ACTR3C: variants seen among roughly 807,000 people sequenced by gnomAD.
ACTR3C encodes actin-related protein 3C.
ACTR3C carries 18 observed loss-of-function variants against 26.3 expected under a neutral mutation model. The observed-to-expected ratio is 0.68, with a 90% CI of 0.47 to 1.01. ACTR3C has a LOEUF of 1.01. ACTR3C is among the 50% of genes least tolerant of loss of function. ACTR3C has a pLI of 0.00. For missense variants in ACTR3C, 184 were observed against 250.7 expected, an observed-to-expected ratio of 0.73 and a Z score of 1.80; for synonymous variants, 55 against 94.5, an observed-to-expected ratio of 0.58 and a Z score of 2.42.
intron 1 of ACTR3C, among the ~76,000 whole-genome samples, chr7:150,298,923 T>C (rs949318668): frequency 2.0e-5 from 3 of 151,904 alleles, no homozygotes. Flanking sequence ...GGTGTCTCCA[T>C]TCCGTATACA....
intron 1 of ACTR3C, among the ~76,000 whole-genome samples, chr7:150,317,926 C>T (rs940983875): frequency 6.6e-6 from 1 of 150,926 alleles, no homozygotes; most frequent in Non-Finnish European, 1.5e-5. Context: ...GGAAAGTAAA[C>T]CAAAAGGAAC....
At chr7:150,292,934 C>T (rs558941005) in intron 3 of ACTR3C, among the ~76,000 whole-genome samples, 1 of 152,390 alleles carries the variant, frequency 6.6e-6, no homozygotes, top group Non-Finnish European at 1.5e-5. Flanking sequence ...AAAACGGTGT[C>T]TATCTCCCAA....
the ACTR3C span, among the ~76,000 whole-genome samples, chr7:150,084,250 A>T: frequency 6.0e-5 from 9 of 150,484 alleles, no homozygotes; most frequent in Non-Finnish European, 1.2e-4. Flanking sequence ...AAAAAAAAAA[A>T]TAAACCTACT....
intron 4 of ACTR3C, among the ~76,000 whole-genome samples, chr7:150,289,186 C>T (rs1268509807): frequency 6.6e-6 from 1 of 152,076 alleles, no homozygotes; most frequent in East Asian, 1.9e-4. Context: ...GAGGCTCCAG[C>T]TGAACAATGC....
the ACTR3C span, among the ~76,000 whole-genome samples, chr7:150,048,488 C>A: frequency 6.6e-6 from 1 of 151,972 alleles, no homozygotes; most frequent in Admixed American, 6.5e-5. Context: ...GGTGCGGGGG[C>A]GGTGGGGGAG....
the ACTR3C span, among the ~76,000 whole-genome samples, chr7:149,972,415 G>C: frequency 6.6e-6 from 1 of 152,190 alleles, no homozygotes; most frequent in African/African-American, 2.4e-5. Context: ...CTAACTCCCT[G>C]TCCACGTTCC....
At chr7:150,039,297 G>T in the ACTR3C span, among the ~76,000 whole-genome samples, 60 of 150,820 alleles carry the variant, frequency 4.0e-4, 1 homozygote, top group African/African-American at 1.3e-3. Flanking sequence ...CCTGCGATGG[G>T]GGTACCAACA....
the ACTR3C span, among the ~76,000 whole-genome samples, chr7:150,103,503 A>G: frequency 2.0e-5 from 3 of 151,840 alleles, no homozygotes; most frequent in South Asian, 2.1e-4. Flanking sequence ...TTTCCCTCCA[A>G]TTTAACCTTG....
chr7:149,895,562 T>A, the ACTR3C span, among the ~76,000 whole-genome samples: 1 of 152,184 alleles, frequency 6.6e-6, no homozygotes, highest in East Asian at 1.9e-4. Context: ...CTGTGGTGGC[T>A]CATGGCTCAT....
the ACTR3C span, among the ~76,000 whole-genome samples, chr7:150,179,322 C>G: frequency 7.0e-6 from 1 of 142,904 alleles, no homozygotes; most frequent in African/African-American, 2.9e-5. Context: ...TAATATATTT[C>G]TCCTTCAACT....
chr7:150,082,861 C>A, the ACTR3C span, among the ~76,000 whole-genome samples: 1 of 151,390 alleles, frequency 6.6e-6, no homozygotes, highest in Admixed American at 6.6e-5. Flanking sequence ...CAAATGGAAG[C>A]ACAGGATCAC....
At chr7:150,176,532 T>A in the ACTR3C span, among the ~76,000 whole-genome samples, 2 of 151,030 alleles carry the variant, frequency 1.3e-5, no homozygotes. Flanking sequence ...GTTTTCAATA[T>A]TCTTTTGTTC....
At chr7:150,062,124 C>T in the ACTR3C span, 1 of 2,262 alleles carries the variant, frequency 4.4e-4, no homozygotes, top group African/African-American at 2.5e-3. Flanking sequence ...GAGAGGTGAT[C>T]GGATGGAAGA....
chr7:150,066,800 C>T, the ACTR3C span, among the ~76,000 whole-genome samples: 2 of 152,312 alleles, frequency 1.3e-5, no homozygotes, highest in African/African-American at 4.8e-5. Flanking sequence ...AGTCTAGAAA[C>T]CATGTGATAC....
chr7:150,082,325 C>A, the ACTR3C span, among the ~76,000 whole-genome samples: 2 of 152,136 alleles, frequency 1.3e-5, no homozygotes, highest in African/African-American at 4.8e-5. Flanking sequence ...TGCCTTTCTC[C>A]TGCTTTTTAC....
chr7:150,320,502 C>T (rs1351055525), intron 1 of ACTR3C, among the ~76,000 whole-genome samples: 1 of 152,104 alleles, frequency 6.6e-6, no homozygotes, highest in Non-Finnish European at 1.5e-5. Context: ...ATGGCTCAAG[C>T]CTGTAATCCC....
chr7:149,954,319 G>A, the ACTR3C span, among the ~76,000 whole-genome samples: 1 of 152,136 alleles, frequency 6.6e-6, no homozygotes, highest in Non-Finnish European at 1.5e-5. Flanking sequence ...ATATATTGAT[G>A]AAAACTGTAT....
At chr7:150,223,660 C>G in the ACTR3C span, among the ~76,000 whole-genome samples, 1 of 151,912 alleles carries the variant, frequency 6.6e-6, no homozygotes, top group East Asian at 1.9e-4. Context: ...TAACGAGTTA[C>G]AGCATGATAA....
At chr7:150,065,327 T>G in the ACTR3C span, among the ~76,000 whole-genome samples, 1 of 152,272 alleles carries the variant, frequency 6.6e-6, no homozygotes, top group East Asian at 1.9e-4. Flanking sequence ...GTAATTATTG[T>G]ATTATTGCAT....
Sources: gnomAD v4.1 joint callset for allele counts (sites outside exome capture counted in the v4.1 genomes callset) on GRCh38, gnomAD v4.1.1 for gene constraint, MANE v1.5 for transcripts, NCBI Gene and HGNC (gene_info 2026-07-23, HGNC 2026-07-21) for gene names.